Variants in SLCO2B1 observed in about 807,000 individuals in gnomAD.
The protein encoded by SLCO2B1 is solute carrier organic anion transporter family member 2B1.
SLCO2B1 carries 41 observed loss-of-function variants against 67.3 expected under a neutral mutation model. The observed-to-expected ratio is 0.61, with a 90% CI of 0.47 to 0.79. The LOEUF (loss-of-function observed/expected upper bound fraction) is 0.79. Ranked by LOEUF, SLCO2B1 falls within the 30% of genes least tolerant of loss-of-function variation. The probability of loss-of-function intolerance (pLI) is 0.00; values close to 1 mark genes in which losing one functional copy is unlikely to be tolerated. For synonymous variants in SLCO2B1, 379 were observed against 381.4 expected, an observed-to-expected ratio of 0.99 and a Z score of 0.07; for missense variants, 837 against 920.1, an observed-to-expected ratio of 0.91 and a Z score of 1.17.
Position 75,172,465 on chromosome 11 carries a change from GCT to G in SLCO2B1, c.869_870del (p.Ala290GlyfsTer17). The G allele has an allele frequency of 1.9e-6, 3 of 1,614,154 alleles. No homozygotes were observed. Among genetic ancestry groups the G allele is most frequent in the Non-Finnish European group, 2.5e-6 (3 of 1,180,014 alleles). On this transcript the variant is annotated frameshift_variant, in exon 7 of 14. Coordinates refer to ENST00000289575, the MANE Select transcript of SLCO2B1 (RefSeq NM_007256.5). LOFTEE classifies it high-confidence loss of function. ...CATCGCTGCCGGTGCAGTGGCCCTGGCTGCCATCCCCTACTTCTTCTTCCCCA... is the reference window on the plus strand; with the variant it reads ...CATCGCTGCCGGTGCAGTGGCCCTGGGCCATCCCCTACTTCTTCTTCCCCA... ...FLIAAGAVAL[A>X]AIPYFFFPKE...
rs775796278 is a variant in SLCO2B1 at position 75,164,022 on chromosome 11, A to G, written c.207A>G (p.Leu69=). 4.4e-6 allele frequency: 7 copies of G among 1,606,834 alleles called. No homozygotes were observed. Among genetic ancestry groups the G allele is most frequent in the African/African-American group, 1.3e-5 (1 of 74,660 alleles). The change falls in exon 3 of 14, where the codon CTA becomes CTG. Residue 69 remains leucine, a synonymous_variant. Transcript: ENST00000289575. ...QLAQLMISGY[L]KSSISTVEKR... is the part of the protein sequence containing the mutation. ...CGCAGCTCATGATCTCCGGCTACCT[A>G]AAGAGCTCCATCTCCACAGTGGAGA...
At chr11:75,166,127 C>G (rs1565535428) in intron 4 of SLCO2B1, among the ~76,000 whole-genome samples, 178 bp downstream of exon 4, 1 of 152,196 alleles carries the variant, frequency 6.6e-6, no homozygotes, top group Non-Finnish European at 1.5e-5. Flanking sequence ...GGGTCTCTGG[C>G]AGACCTGGGG....
Position 75,194,203 on chromosome 11 carries a change from G to C in SLCO2B1, c.1433+628G>C, listed in dbSNP as rs749410017. Among the ~76,000 whole-genome samples the C allele has an allele frequency of 2.5e-4, 38 of 152,262 alleles. No homozygotes were observed. In the Middle Eastern group the frequency reaches 0.01, roughly 41 times the overall value. On this transcript the variant is annotated intron_variant, in intron 9 of 13. Coordinates refer to ENST00000289575, the MANE Select transcript of SLCO2B1 (RefSeq NM_007256.5). ...GAGGCAGCACCTGCCTCTGCCCTCC[G>C]GGAGGAAGTCTCTTGATTTCTATCT...
chr11:75,153,108 A>T (rs1431938231), intron 1 of SLCO2B1, among the ~76,000 whole-genome samples: 3 of 151,966 alleles, frequency 2.0e-5, no homozygotes, highest in Non-Finnish European at 2.9e-5. Context: ...CCACCTGTTC[A>T]CCTTTGCTCA....
rs1267959208 is a variant in SLCO2B1, at chr11:75,151,206, G to A, written c.-176G>A. On this transcript the variant is annotated 5_prime_UTR_variant, in exon 1 of 14. It adds an upstream start codon to the 5' untranslated region. Transcript: ENST00000289575. The stretch of plus-strand genomic sequence containing the variant: ...TGTGTCTGGACAAGTCTGATGTCCT[G>A]TGTGGCCCAAGAAGAACTGACCCCG... The A allele has an allele frequency of 1.6e-6, 1 of 613,098 alleles. No homozygotes were observed. The highest frequency in any genetic ancestry group is 1.8e-5 in the African/African-American group (1 of 54,300). 38.0% of individuals were successfully genotyped at this position (613,098 alleles called of 1,614,324 possible).
Position 75,185,421 on chromosome 11 carries a change from GCAC to G in SLCO2B1, c.973-2711_973-2709del, listed in dbSNP as rs149517147. Among the ~76,000 whole-genome samples, 361 of 151,528 alleles carry G rather than the reference GCAC, an allele frequency of 2.4e-3. 3 individuals are homozygous for G. Among genetic ancestry groups the G allele is most frequent in the African/African-American group, 8.4e-3 (347 of 41,284 alleles). On this transcript the variant is annotated intron_variant, in intron 7 of 13. Transcript: ENST00000289575. ...CTGGACGTGGGGAAGCCTTGCCTGC[GCAC>G]CACTCCTAGTTACAGGGAGCTCGCT...
intron 13 of SLCO2B1, chr11:75,203,694 G>A (rs1025073524): frequency 4.8e-6 from 2 of 419,048 alleles, no homozygotes; most frequent in Non-Finnish European, 8.6e-6. Context: ...CAGAGTCTAT[G>A]CAGGAACTTG....
At chr11:75,196,776 T>C in intron 10 of SLCO2B1, 97 bp downstream of exon 10, 3 of 1,089,470 alleles carry the variant, frequency 2.8e-6, no homozygotes, top group Non-Finnish European at 3.9e-6. Flanking sequence ...ATGCTCTCAC[T>C]CTGTAGCTCT....
At chr11:75,179,598 C>A (rs936543328) in intron 7 of SLCO2B1, among the ~76,000 whole-genome samples, 5 of 152,212 alleles carry the variant, frequency 3.3e-5, no homozygotes, top group Non-Finnish European at 4.4e-5. Context: ...GGGTATCCAA[C>A]ACCTCAAGAA....
Position 75,162,533 on chromosome 11 carries a change from T to G in SLCO2B1, c.17-122T>G. The stretch of plus-strand genomic sequence containing the variant: ...AGGTGATTTGATTCTCAGATTCTCA[T>G]CAACCACTAAGAACTCTTCTTCCTG... On this transcript the variant is annotated intron_variant, in intron 1 of 13. Coordinates refer to ENST00000289575, the MANE Select transcript of SLCO2B1 (RefSeq NM_007256.5). 3 of 1,071,948 alleles carry G rather than the reference T, an allele frequency of 2.8e-6. No individual in the cohort carries two copies. In the South Asian group the frequency reaches 4.9e-5, roughly 18 times the overall value. The allele number at this position is 1,071,948 out of a possible 1,614,324, so 66.4% of individuals were successfully genotyped here.
rs761796353 is a variant in SLCO2B1 at position 75,196,502 on chromosome 11, C to A, written c.1434-12C>A. The stretch of plus-strand genomic sequence containing the variant: ...AAGCCAGGCCAACCCTACTGGTCTT[C>A]TCTCCCACCAGTGCCCACCCTGGGC... On this transcript the variant is annotated splice_polypyrimidine_tract_variant and intron_variant, in intron 9 of 13. Coordinates refer to ENST00000289575, the MANE Select transcript of SLCO2B1 (RefSeq NM_007256.5). 8 of 1,611,346 alleles carry A rather than the reference C, an allele frequency of 5.0e-6. No individual in the cohort carries two copies. The highest frequency in any genetic ancestry group is 1.7e-5 in the Admixed American group (1 of 59,796).
At chr11:75,203,758 G>A in intron 13 of SLCO2B1, 2 of 277,698 alleles carry the variant, frequency 7.2e-6, no homozygotes, top group Non-Finnish European at 1.4e-5. Context: ...TGAAGGGCTG[G>A]GGAGAAAGCC....
intron 7 of SLCO2B1, among the ~76,000 whole-genome samples, chr11:75,180,444 A>T (rs1950079568): frequency 6.6e-6 from 1 of 152,230 alleles, no homozygotes; most frequent in African/African-American, 2.4e-5. Flanking sequence ...TGGCTGTGCT[A>T]AATTACACCC....
At chr11:75,170,968 G>T (rs1026512516) in intron 6 of SLCO2B1, among the ~76,000 whole-genome samples, 1 of 152,198 alleles carries the variant, frequency 6.6e-6, no homozygotes, top group Non-Finnish European at 1.5e-5. Context: ...CTCCATGGGG[G>T]ATTTCACAGG....
Position 75,204,500 on chromosome 11 carries a change from G to A in SLCO2B1, c.2050G>A (p.Glu684Lys), listed in dbSNP as rs780603514. The A allele has an allele frequency of 2.7e-5, 44 of 1,613,570 alleles. No individual in the cohort carries two copies. Among genetic ancestry groups the A allele is most frequent in the Non-Finnish European group, 3.6e-5 (43 of 1,179,788 alleles). The part of the protein sequence containing the change: ...RQQDKEARTK[E>K]SRSSPAVEQQ... ...GCAGGACAAAGAGGCAAGGACCAAAGAGAGCAGATCCAGCCCTGCCGTAGA... is the reference window on the plus strand; with the variant it reads ...GCAGGACAAAGAGGCAAGGACCAAAAAGAGCAGATCCAGCCCTGCCGTAGA... Residue 684 changes from glutamate (E) to lysine (K), a missense_variant, in exon 14 of 14, where the codon GAG (glutamate) becomes AAG (lysine). Glu to Lys is a moderately conservative substitution (Grantham distance 56). Transcript: ENST00000289575.
At chr11:75,178,195 T>C (rs1950050261) in intron 7 of SLCO2B1, among the ~76,000 whole-genome samples, 1 of 152,158 alleles carries the variant, frequency 6.6e-6, no homozygotes, top group African/African-American at 2.4e-5. Flanking sequence ...CAGGTGCGTC[T>C]ACCATGCAAT....
chr11:75,151,491 G>T, intron 1 of SLCO2B1, 94 bp downstream of exon 1: 3 of 1,354,322 alleles, frequency 2.2e-6, no homozygotes, highest in Non-Finnish European at 3.1e-6. Flanking sequence ...CAGAGTGGGT[G>T]GGATGGGTGC....
intron 10 of SLCO2B1, among the ~76,000 whole-genome samples, chr11:75,197,040 C>T (rs764492381): frequency 6.6e-6 from 1 of 152,162 alleles, no homozygotes; most frequent in Admixed American, 6.5e-5. Context: ...CACTTGAATC[C>T]GGGAGGCGGA....
chr11:75,156,178 C>A (rs1175659809), intron 1 of SLCO2B1, among the ~76,000 whole-genome samples: 1 of 152,160 alleles, frequency 6.6e-6, no homozygotes, highest in African/African-American at 2.4e-5. Context: ...TACGATATGA[C>A]AAAACAAATA....
Sources: gnomAD v4.1 joint callset for allele counts (sites outside exome capture counted in the v4.1 genomes callset) on GRCh38, gnomAD v4.1.1 for gene constraint, MANE v1.5 for transcripts, NCBI Gene and HGNC (gene_info 2026-07-23, HGNC 2026-07-21) for gene names.